Variants in ADSS2 observed in about 807,000 individuals in gnomAD.
The protein encoded by ADSS2 is adenylosuccinate synthase 2.
ADSS2 carries 30 observed loss-of-function variants against 60.0 expected under a neutral mutation model. That is an observed-to-expected ratio of 0.50 (90% CI 0.37 to 0.68). The LOEUF is 0.68. Among genes scored for constraint, ADSS2 ranks in the 30% least tolerant of loss-of-function variants. The probability of loss-of-function intolerance (pLI) is 0.00; values close to 1 mark genes in which losing one functional copy is unlikely to be tolerated. For synonymous variants in ADSS2, 187 were observed against 193.1 expected (o/e 0.97, Z 0.26); for missense variants, 373 against 554.8 (o/e 0.67, Z 3.29).
At chr1:244,420,336 T>C (rs1234567414) in intron 7 of ADSS2, 40 bp from the exon 8 acceptor site, 5 of 1,538,320 alleles carry the variant, frequency 3.3e-6, no homozygotes, top group Non-Finnish European at 4.4e-6. Flanking sequence ...TGTATACTAA[T>C]AAACGTTTAA....
rs1460608672 is a variant in ADSS2, at chr1:244,423,944, G to C, written c.581+9C>G. 6.3e-6 allele frequency: 10 copies of C among 1,596,826 alleles called. No individual in the cohort carries two copies. Among genetic ancestry groups the C allele is most frequent in the Non-Finnish European group, 8.5e-6 (10 of 1,171,922 alleles). On this transcript the variant is annotated intron_variant, in intron 6 of 12. Coordinates refer to ENST00000366535, the MANE Select transcript of ADSS2 (RefSeq NM_001126.5). ...TCATTCCTTCCATTTTGAAACACAA[G>C]TTAGTTACCTCTCAGAGAAGCCATC...
At chr1:244,436,399 G>A (rs1665101481) in intron 3 of ADSS2, among the ~76,000 whole-genome samples, 1 of 152,178 alleles carries the variant, frequency 6.6e-6, no homozygotes, top group Non-Finnish European at 1.5e-5. Flanking sequence ...TCATTTAGAA[G>A]GAGGGACCTA....
chr1:244,428,293 TAGAG>T (rs1664853465), intron 4 of ADSS2, among the ~76,000 whole-genome samples: 1 of 151,950 alleles, frequency 6.6e-6, no homozygotes, highest in African/African-American at 2.4e-5. Context: ...TTATAAATAA[TAGAG>T]AGAAATCATG....
chr1:244,445,265 A>G (rs1028730874), intron 1 of ADSS2, among the ~76,000 whole-genome samples: 1 of 152,220 alleles, frequency 6.6e-6, no homozygotes, highest in African/African-American at 2.4e-5. Flanking sequence ...CAAATGATTC[A>G]CAAAAAAAAC....
At chr1:244,424,449 G>A (rs368627472) in intron 4 of ADSS2, 62 bp from the exon 5 acceptor site, 6 of 1,347,180 alleles carry the variant, frequency 4.5e-6, no homozygotes, top group South Asian at 2.4e-5. Flanking sequence ...AAAATCCACC[G>A]CATTTCAAAT....
At chr1:244,442,242 TACACACACAC>T (rs71739056) in intron 1 of ADSS2, among the ~76,000 whole-genome samples, 2 of 149,056 alleles carry the variant, frequency 1.3e-5, no homozygotes, top group Admixed American at 6.7e-5. Flanking sequence ...ATGGTTGCTC[TACACACACAC>T]ACACACACAC....
intron 4 of ADSS2, among the ~76,000 whole-genome samples, chr1:244,431,354 T>C (rs1664940157): frequency 1.3e-5 from 2 of 152,246 alleles, no homozygotes; most frequent in Admixed American, 1.3e-4. Context: ...AAAGCTTCTT[T>C]GTTTCCTTTG....
intron 12 of ADSS2, among the ~76,000 whole-genome samples, chr1:244,410,707 C>T (rs919078691): frequency 1.3e-5 from 2 of 151,272 alleles, no homozygotes; most frequent in Admixed American, 1.3e-4. Context: ...GTGAATGAGA[C>T]AATGTCACAG....
At chr1:244,420,701 A>G (rs1664654100) in intron 7 of ADSS2, among the ~76,000 whole-genome samples, 1 of 151,956 alleles carries the variant, frequency 6.6e-6, no homozygotes, top group Non-Finnish European at 1.5e-5. Flanking sequence ...AAAACCATAA[A>G]TTTTTTATTT....
At chr1:244,433,586 G>A (rs911971327) in intron 3 of ADSS2, among the ~76,000 whole-genome samples, 21 of 152,138 alleles carry the variant, frequency 1.4e-4, no homozygotes, top group African/African-American at 4.8e-5. Context: ...GGCTGGGTGC[G>A]GTGGCTTACG....
chr1:244,432,914 C>T (rs1664985391), intron 3 of ADSS2, among the ~76,000 whole-genome samples: 1 of 151,946 alleles, frequency 6.6e-6, no homozygotes, highest in Non-Finnish European at 1.5e-5. Flanking sequence ...GTGATCCACC[C>T]ACCTCAGCCT....
At position 244,409,386 on chromosome 1, in the gene ADSS2, C is replaced by G; in HGVS notation, c.*200G>C. ...AGGAGCAACAAATGATTTGGCAATT[C>G]CAGCTAAAGAAAGCTGACACTGGAA... On this transcript the variant is annotated 3_prime_UTR_variant, in exon 13 of 13. Transcript: ENST00000366535. The G allele has an allele frequency of 2.3e-6, 1 of 436,830 alleles. No homozygotes were observed. Among genetic ancestry groups the G allele is most frequent in the Non-Finnish European group, 4.1e-6 (1 of 246,810 alleles). 27.1% of individuals were successfully genotyped at this position (436,830 alleles called of 1,614,324 possible). A position where few individuals can be genotyped will look rare whatever the true frequency, so the allele number is the denominator to read the frequency against.
intron 3 of ADSS2, among the ~76,000 whole-genome samples, chr1:244,435,168 C>CAAAAAAAAAAAAAAAAAAAAAAAAA (rs60576167): frequency 3.9e-5 from 2 of 51,748 alleles, no homozygotes; most frequent in African/African-American, 1.7e-4. Flanking sequence ...ACTCCGTCTC[C>CAAAAAAAAAAAAAAAAAAAAAAAAA]AAAAAAAAAA....
chr1:244,437,546 A>C, intron 2 of ADSS2, 120 bp downstream of exon 2: 1 of 732,282 alleles, frequency 1.4e-6, no homozygotes, highest in African/African-American at 1.8e-5. Flanking sequence ...GGTCAAAATT[A>C]ATAAGAGATC....
chr1:244,441,212 C>T (rs545086702), intron 1 of ADSS2, among the ~76,000 whole-genome samples: 1 of 152,270 alleles, frequency 6.6e-6, no homozygotes, highest in African/African-American at 2.4e-5. Context: ...GCGCCTGCCG[C>T]CATGCCCGGC....
At position 244,420,226 on chromosome 1, in the gene ADSS2, G is replaced by C; in HGVS notation, c.734C>G (p.Pro245Arg). 1 of 1,613,452 alleles carries C rather than the reference G, an allele frequency of 6.2e-7. No individual in the cohort carries two copies. The highest frequency in any genetic ancestry group is 8.5e-7 in the Non-Finnish European group (1 of 1,179,628). ...ACCTTCTACCAAGATTTTCTTTGGT[G>C]GTCCATGTAGGGCCTCATATAGAAA... Reference protein sequence around the residue: ...VYFLYEALHGPPKKILVEGAN... With the variant: ...VYFLYEALHGRPKKILVEGAN... Residue 245 changes from proline to arginine, a missense_variant, in exon 8 of 13, where the codon CCA (proline) becomes CGA (arginine). Pro to Arg is a moderately radical substitution (Grantham distance 103, BLOSUM62 -2). This residue lies in a region of ADSS2 where 139 missense variants were observed against 189.4 expected (regional missense o/e 0.73). Coordinates refer to ENST00000366535, the MANE Select transcript of ADSS2 (RefSeq NM_001126.5).
At position 244,437,771 on chromosome 1, in the gene ADSS2, A is replaced by ATCTTACATTTTAGGGAGG; in HGVS notation, c.184-4_184-3insCCTCCCTAAAATGTAAGA. The ATCTTACATTTTAGGGAGG allele has an allele frequency of 6.3e-7, 1 of 1,580,950 alleles. No homozygotes were observed. Among genetic ancestry groups the ATCTTACATTTTAGGGAGG allele is most frequent in the Non-Finnish European group, 8.7e-7 (1 of 1,150,322 alleles). On this transcript the variant is annotated splice_polypyrimidine_tract_variant and splice_region_variant and intron_variant, in intron 1 of 12. Transcript: ENST00000366535. Reference sequence around the variant, plus strand: ...GTATGGCCAGCATTATTTCCTCCCTAAAATGTAAGATAGGGGAAAATTGAG... The same window carrying ATCTTACATTTTAGGGAGG: ...GTATGGCCAGCATTATTTCCTCCCTATCTTACATTTTAGGGAGGAAATGTAAGATAGGGGAAAATTGAG...
At chr1:244,436,457 C>T (rs1665103411) in intron 3 of ADSS2, among the ~76,000 whole-genome samples, 1 of 152,150 alleles carries the variant, frequency 6.6e-6, no homozygotes, top group African/African-American at 2.4e-5. Flanking sequence ...CAAAAATTCC[C>T]TTTTATCCCT....
chr1:244,411,321 A>G lies in ADSS2; in HGVS notation c.1284T>C (p.Tyr428=). ...FKELPVNAQN[Y]VRFIEDELQI... ...GAAGCTCATCTTCAATAAATCGAAC[A>G]TAGTTTTGTGCATTAACAGGTAGTT... The change falls in exon 12 of 13, where the codon TAT becomes TAC. Residue 428 remains tyrosine, a synonymous_variant. Coordinates refer to ENST00000366535, the MANE Select transcript of ADSS2 (RefSeq NM_001126.5). 6.2e-7 allele frequency: 1 copy of G among 1,613,544 alleles called. No individual in the cohort carries two copies. The highest frequency in any genetic ancestry group is 8.5e-7 in the Non-Finnish European group (1 of 1,179,874).
Sources: gnomAD v4.1 joint callset for allele counts (sites outside exome capture counted in the v4.1 genomes callset) on GRCh38, gnomAD v4.1.1 for gene constraint, gnomAD v4.1.1 regional missense constraint, MANE v1.5 for transcripts, NCBI Gene and HGNC (gene_info 2026-07-23, HGNC 2026-07-21) for gene names.